ANKRD17: variants seen among roughly 807,000 people sequenced by gnomAD.
ANKRD17 encodes the protein ankyrin repeat domain-containing protein 17.
A neutral mutation model predicts 229.7 loss-of-function variants in ANKRD17; 19 were observed. The ratio of observed to expected loss-of-function variants is 0.08; its 90% confidence interval spans 0.06 to 0.12. ANKRD17 has a LOEUF of 0.12. Ranked by LOEUF, ANKRD17 falls within the 10% of genes least tolerant of loss-of-function variation. ANKRD17 has a pLI of 1.00. For missense variants in ANKRD17, 2,176 were observed against 3,176.8 expected, an observed-to-expected ratio of 0.68 and a Z score of 7.57; for synonymous variants, 1,112 against 1,146.1, an observed-to-expected ratio of 0.97 and a Z score of 0.60.
At chr4:73,152,876 A>G (rs1731184942) in intron 6 of ANKRD17, among the ~76,000 whole-genome samples, 2 of 152,218 alleles carry the variant, frequency 1.3e-5, no homozygotes, top group Admixed American at 6.5e-5. Flanking sequence ...CTGAAAATCT[A>G]TTAACATCAG....
chr4:73,175,077 T>C (rs958013000), intron 2 of ANKRD17, among the ~76,000 whole-genome samples: 1 of 152,176 alleles, frequency 6.6e-6, no homozygotes, highest in African/African-American at 2.4e-5. Context: ...AAGCAATCTA[T>C]ATTGGTCTGT....
At chr4:73,194,432 T>C (rs1331775934) in intron 1 of ANKRD17, among the ~76,000 whole-genome samples, 1 of 152,244 alleles carries the variant, frequency 6.6e-6, no homozygotes, top group Non-Finnish European at 1.5e-5. Flanking sequence ...TCCATTAATA[T>C]ATGTGCCACA....
chr4:73,118,602 A>G (rs1045608793), intron 22 of ANKRD17, 86 bp downstream of exon 22: 38 of 1,470,110 alleles, frequency 2.6e-5, no homozygotes, highest in Middle Eastern at 2.0e-4. Flanking sequence ...CAAAAGCACA[A>G]AATGAGTCTT....
At chr4:73,086,919 A>AAAAAT (rs1553911000) in intron 29 of ANKRD17, among the ~76,000 whole-genome samples, 4 of 12,464 alleles carry the variant, frequency 3.2e-4, no homozygotes, top group African/African-American at 5.2e-4. Context: ...AAAAAAAAAA[A>AAAAAT]ATATATATAT....
intron 24 of ANKRD17, among the ~76,000 whole-genome samples, chr4:73,109,980 T>C (rs1263659382): frequency 1.3e-5 from 1 of 77,078 alleles, no homozygotes; most frequent in Non-Finnish European, 2.4e-5. Flanking sequence ...GTTTGAAAAA[T>C]ATACTATTAC....
At chr4:73,108,742 T>A (rs1724940417) in intron 24 of ANKRD17, among the ~76,000 whole-genome samples, 1 of 151,632 alleles carries the variant, frequency 6.6e-6, no homozygotes, top group Non-Finnish European at 1.5e-5. Context: ...GAAGAAAAAA[T>A]GGAGGTGACT....
intron 1 of ANKRD17, among the ~76,000 whole-genome samples, chr4:73,217,661 T>C (rs1337512902): frequency 3.3e-5 from 5 of 152,164 alleles, no homozygotes; most frequent in Non-Finnish European, 5.9e-5. Flanking sequence ...TCACTGCACC[T>C]AGCCAAAGAT....
intron 1 of ANKRD17, among the ~76,000 whole-genome samples, chr4:73,193,937 C>CTTCTG (rs1737489005): frequency 6.6e-6 from 1 of 152,002 alleles, no homozygotes. Context: ...GTCTCAAAAA[C>CTTCTG]AACAACAAAA....
intron 1 of ANKRD17, among the ~76,000 whole-genome samples, chr4:73,216,843 T>C (rs1741121550): frequency 6.6e-6 from 1 of 152,246 alleles, no homozygotes. Flanking sequence ...ATGGCCAGTA[T>C]TAATCCAACC....
chr4:73,156,748 TTC>T (rs553433120), intron 3 of ANKRD17, among the ~76,000 whole-genome samples: 252 of 152,268 alleles, frequency 1.7e-3, no homozygotes, highest in Non-Finnish European at 2.0e-3. Context: ...ATTGTAAGTT[TTC>T]TGAGACCTCC....
At chr4:73,234,286 G>C (rs1336720213) in intron 1 of ANKRD17, among the ~76,000 whole-genome samples, 1 of 151,942 alleles carries the variant, frequency 6.6e-6, no homozygotes, top group Non-Finnish European at 1.5e-5. Flanking sequence ...ACCTTTTCTA[G>C]TTCTATGCCC....
At chr4:73,094,459 T>C (rs1282811397) in intron 27 of ANKRD17, among the ~76,000 whole-genome samples, 4 of 152,172 alleles carry the variant, frequency 2.6e-5, no homozygotes, top group Non-Finnish European at 5.9e-5. Flanking sequence ...TTGTTTGCTT[T>C]GTTGATTATC....
Position 73,258,332 on chromosome 4 carries a change from T to C in ANKRD17, c.337A>G (p.Ser113Gly), listed in dbSNP as rs776168773. Reference sequence around the variant, plus strand: ...TCCTCTTCTTCCTCGCTGTTGTTACTGCTGGTGCCGCCGCCGCCACCTCCG... The same window carrying C: ...TCCTCTTCTTCCTCGCTGTTGTTACCGCTGGTGCCGCCGCCGCCACCTCCG... ...GGGGGGGGTSSNNSEEEEDDD... is the reference protein window; with the variant it reads ...GGGGGGGGTSGNNSEEEEDDD... The change falls in exon 1 of 34, where the codon AGT (serine) becomes GGT (glycine). Residue 113 changes from serine (S) to glycine (G), a missense_variant. By Grantham distance (56) the Ser-to-Gly change is moderately conservative (BLOSUM62 0). Transcript: ENST00000358602. The C allele has an allele frequency of 1.2e-6, 2 of 1,613,416 alleles. No homozygotes were observed. The highest frequency in any genetic ancestry group is 2.7e-5 in the African/African-American group (2 of 74,910).
Position 73,141,752 on chromosome 4 carries a change from A to T in ANKRD17, c.2321T>A (p.Ile774Asn), listed in dbSNP as rs1729634076. ...PPANVATTLP[I>N]RNKAASKQKS... The stretch of plus-strand genomic sequence containing the variant: ...GAAGTATAACTGACCTTTATTCCTG[A>T]TGGGAAGAGTGGTGGCAACATTGGC... The change falls in exon 14 of 34, where the codon ATC (isoleucine) becomes AAC (asparagine). Residue 774 changes from isoleucine to asparagine, a missense_variant. Ile to Asn is a moderately radical substitution (Grantham distance 149). Transcript: ENST00000358602. 6.2e-7 allele frequency: 1 copy of T among 1,613,520 alleles called. No homozygotes were observed. Among genetic ancestry groups the T allele is most frequent in the Admixed American group, 1.7e-5 (1 of 59,994 alleles).
intron 10 of ANKRD17, among the ~76,000 whole-genome samples, chr4:73,145,646 C>G (rs905459278): frequency 6.6e-6 from 1 of 152,038 alleles, no homozygotes. Flanking sequence ...GATTTCACTG[C>G]TGTATGTTTC....
chr4:73,076,202 G>A lies in ANKRD17; in HGVS notation c.*29C>T, dbSNP rs1251023147. 1 of 1,582,436 alleles carries A rather than the reference G, an allele frequency of 6.3e-7. No homozygotes were observed. Among genetic ancestry groups the A allele is most frequent in the Non-Finnish European group, 8.6e-7 (1 of 1,169,196 alleles). Reference sequence around the variant, plus strand: ...CTTGTGATTTCCTCCAAATGAAAAGGAATCTGCAGGCTAACAAGCTGATCC... The same window carrying A: ...CTTGTGATTTCCTCCAAATGAAAAGAAATCTGCAGGCTAACAAGCTGATCC... On this transcript the variant is annotated 3_prime_UTR_variant, in exon 34 of 34. Transcript: ENST00000358602.
At chr4:73,244,769 G>C (rs938095322) in intron 1 of ANKRD17, among the ~76,000 whole-genome samples, 1 of 152,108 alleles carries the variant, frequency 6.6e-6, no homozygotes, top group Non-Finnish European at 1.5e-5. Flanking sequence ...AAAATCTCTG[G>C]TAAGGCTTAG....
chr4:73,250,108 T>C (rs952104729), intron 1 of ANKRD17, among the ~76,000 whole-genome samples: 7 of 152,174 alleles, frequency 4.6e-5, no homozygotes, highest in African/African-American at 1.7e-4. Flanking sequence ...CGCCTTAACT[T>C]CACCCTACAT....
chr4:73,211,501 A>G (rs1355737176), intron 1 of ANKRD17, among the ~76,000 whole-genome samples: 3 of 152,174 alleles, frequency 2.0e-5, no homozygotes, highest in African/African-American at 7.2e-5. Flanking sequence ...GGAGATACAC[A>G]CTATCATCTC....
Sources: allele counts gnomAD v4.1 joint callset (sites outside exome capture counted in the v4.1 genomes callset), GRCh38; gene constraint gnomAD v4.1.1; transcripts MANE v1.5; gene names NCBI Gene and HGNC (gene_info 2026-07-23, HGNC 2026-07-21).